SORBS2: variants seen among roughly 807,000 people sequenced by gnomAD.
SORBS2 encodes the protein sorbin and SH3 domain-containing protein 2.
A neutral mutation model predicts 97.7 loss-of-function variants in SORBS2; 46 were observed. That is an observed-to-expected ratio of 0.47 (90% CI 0.37 to 0.60). The LOEUF (loss-of-function observed/expected upper bound fraction) is 0.60, where lower values mean the gene tolerates loss of function less well. Ranked by LOEUF, SORBS2 falls within the 20% of genes least tolerant of loss-of-function variation. The probability of loss-of-function intolerance (pLI) is 0.00; values close to 1 mark genes in which losing one functional copy is unlikely to be tolerated. For missense variants in SORBS2, 1,316 were observed against 1,282.3 expected, an observed-to-expected ratio of 1.03 and a Z score of -0.40; for synonymous variants, 476 against 473.4, an observed-to-expected ratio of 1.01 and a Z score of -0.07.
chr4:185,614,171 T>G (rs1243079020), intron 11 of SORBS2, among the ~76,000 whole-genome samples: 1 of 144,514 alleles, frequency 6.9e-6, no homozygotes, highest in Non-Finnish European at 1.5e-5. Context: ...TTTTTTTTTT[T>G]TTTTTTTTTT....
chr4:185,618,000 G>A lies in SORBS2; in HGVS notation c.2351+585C>T, dbSNP rs574306380. On this transcript the variant is annotated intron_variant, in intron 9 of 14. Coordinates refer to ENST00000418609, the Ensembl canonical transcript of SORBS2. ...TTATTCATTCTTTTTTTTGAGACAG[G>A]GTCCTGCTCTGTTGCCCAGGCTAGA... Among the ~76,000 whole-genome samples, 4 of 151,984 alleles carry A rather than the reference G, an allele frequency of 2.6e-5. No homozygotes were observed. The South Asian group carries it at 8.3e-4, about 32-fold the overall frequency.
At chr4:185,845,798 A>G (rs1393304345) in intron 1 of SORBS2, among the ~76,000 whole-genome samples, 1 of 152,250 alleles carries the variant, frequency 6.6e-6, no homozygotes, top group Non-Finnish European at 1.5e-5. Flanking sequence ...AGATCTAAAT[A>G]TGGACATGAT....
At chr4:185,799,354 G>A (rs1238036768) in intron 1 of SORBS2, among the ~76,000 whole-genome samples, 3 of 152,210 alleles carry the variant, frequency 2.0e-5, no homozygotes, top group African/African-American at 2.4e-5. Context: ...ACAGAGAATC[G>A]TGAGATGCCC....
At chr4:185,643,593 C>A (rs919980676) in intron 4 of SORBS2, among the ~76,000 whole-genome samples, 1 of 152,028 alleles carries the variant, frequency 6.6e-6, no homozygotes, top group African/African-American at 2.4e-5. Flanking sequence ...CAGGCACGGA[C>A]AATTGTGGGC....
intron 1 of SORBS2, among the ~76,000 whole-genome samples, chr4:185,927,776 C>T (rs1283327669): frequency 6.6e-6 from 1 of 151,952 alleles, no homozygotes; most frequent in Non-Finnish European, 1.5e-5. Flanking sequence ...TCATCTTTTC[C>T]CAAAAATGAA....
At chr4:185,892,054 C>T (rs1579348922) in intron 1 of SORBS2, among the ~76,000 whole-genome samples, 1 of 152,196 alleles carries the variant, frequency 6.6e-6, no homozygotes, top group Non-Finnish European at 1.5e-5. Context: ...AGGATGGTCT[C>T]GATCTCCTGA....
intron 1 of SORBS2, among the ~76,000 whole-genome samples, chr4:185,948,724 G>A (rs912250769): frequency 6.6e-6 from 1 of 151,678 alleles, no homozygotes; most frequent in African/African-American, 2.4e-5. Context: ...CATCATGTTG[G>A]CCAGACTGGT....
At position 185,888,059 on chromosome 4, in the gene SORBS2, A is replaced by ATATTATTATTATTATTATTATTAT. The variant is rs148021041; in HGVS notation, c.-338+68136_-338+68137insATAATAATAATAATAATAATAATA. On this transcript the variant is annotated intron_variant, in intron 1 of 20. Transcript: ENST00000284776. ...TAAACTGTATGAAACCTGACATTCTATATTATTATTATTATTATTATTTTG... is the reference window on the plus strand; with the variant it reads ...TAAACTGTATGAAACCTGACATTCTATATTATTATTATTATTATTATTATTATTATTATTATTATTATTATTTTG... Among the ~76,000 whole-genome samples the ATATTATTATTATTATTATTATTAT allele has an allele frequency of 2.3e-3, 343 of 148,908 alleles. 1 individual carries two copies. The highest frequency in any genetic ancestry group is 7.2e-3 in the African/African-American group (293 of 40,456).
intron 1 of SORBS2, among the ~76,000 whole-genome samples, chr4:185,784,469 A>G (rs576366070): frequency 6.6e-6 from 1 of 152,218 alleles, no homozygotes; most frequent in Non-Finnish European, 1.5e-5. Flanking sequence ...CTCTTTTTGT[A>G]GACTGAAATG....
chr4:185,614,986 C>A, intron 10 of SORBS2, 27 bp from the exon 23 acceptor site: 1 of 1,614,136 alleles, frequency 6.2e-7, no homozygotes. Context: ...CATTTATTCT[C>A]AAATCTGCGG....
chr4:185,752,999 G>A (rs1282418446), intron 2 of SORBS2, among the ~76,000 whole-genome samples: 21 of 152,136 alleles, frequency 1.4e-4, no homozygotes, highest in Non-Finnish European at 1.5e-5. Context: ...AATATACAAA[G>A]CCGCTGCTAC....
At position 185,923,472 on chromosome 4, in the gene SORBS2, A is replaced by ATTTTTTTTTTTTTTTTTTTTTTT. The variant is rs535695706; in HGVS notation, c.-338+32723_-338+32724insAAAAAAAAAAAAAAAAAAAAAAA. On this transcript the variant is annotated intron_variant, in intron 1 of 20. Coordinates refer to the SORBS2 transcript ENST00000284776. ...TGCTTGGCTAAGTTTCTTTTTTTTA[A>ATTTTTTTTTTTTTTTTTTTTTTT]TTTTTTTTTTTTGTAGAGACAGGAC... 5.4e-4 allele frequency among the ~76,000 whole-genome samples: 60 copies of ATTTTTTTTTTTTTTTTTTTTTTT among 110,462 alleles called. 3 individuals are homozygous for ATTTTTTTTTTTTTTTTTTTTTTT. The highest frequency in any genetic ancestry group is 9.2e-4 in the African/African-American group (26 of 28,344). 72.5% of individuals were successfully genotyped at this position (110,462 alleles called of 152,430 possible).
chr4:185,639,916 C>T (rs2097098805), intron 4 of SORBS2, among the ~76,000 whole-genome samples: 2 of 152,272 alleles, frequency 1.3e-5, no homozygotes, highest in African/African-American at 4.8e-5. Context: ...GTAACCTTCG[C>T]AGTGCTGGGA....
chr4:185,775,601 T>A (rs954999884), intron 1 of SORBS2: 11 of 152,266 alleles, frequency 7.2e-5, no homozygotes, highest in African/African-American at 2.2e-4. Flanking sequence ...TTCATTTAAA[T>A]TTTGAGGAAA....
chr4:185,658,896 C>T (rs991053187), upstream of SORBS2, among the ~76,000 whole-genome samples: 11 of 151,960 alleles, frequency 7.2e-5, no homozygotes, highest in South Asian at 6.3e-4. Context: ...TTAGTAGAGA[C>T]GGGGTTTCAC....
chr4:185,624,162 G>A, exon 7 of SORBS2: 5 of 1,614,222 alleles, frequency 3.1e-6, no homozygotes, highest in Admixed American at 1.7e-5. Flanking sequence ...CACGCCATGG[G>A]GCAGCTCTCC....
intron 2 of SORBS2, among the ~76,000 whole-genome samples, chr4:185,681,828 G>A (rs1361936320): frequency 6.6e-6 from 1 of 152,128 alleles, no homozygotes; most frequent in Non-Finnish European, 1.5e-5. Context: ...TAACATGACA[G>A]CTTTCGTGTA....
intron 1 of SORBS2, among the ~76,000 whole-genome samples, chr4:185,860,957 TC>T (rs1475170624): frequency 6.6e-6 from 1 of 152,170 alleles, no homozygotes; most frequent in Non-Finnish European, 1.5e-5. Flanking sequence ...GCTTATTCTC[TC>T]TTGGATCATG....
At chr4:185,758,670 T>A (rs983138876) in intron 2 of SORBS2, among the ~76,000 whole-genome samples, 2 of 152,144 alleles carry the variant, frequency 1.3e-5, no homozygotes, top group Admixed American at 1.3e-4. Context: ...TTCCCCTTCT[T>A]ACCACCTACT....
Sources: gnomAD v4.1 joint callset for allele counts (sites outside exome capture counted in the v4.1 genomes callset) on GRCh38, gnomAD v4.1.1 for gene constraint, MANE v1.5 for transcripts, NCBI Gene and HGNC (gene_info 2026-07-23, HGNC 2026-07-21) for gene names.